The following PCDHA5 variants were observed in gnomAD, a reference collection of about 807,000 sequenced individuals.
The protein encoded by PCDHA5 is protocadherin alpha 5, also known as protocadherin alpha-5.
In PCDHA5, 43 loss-of-function variants were observed where a neutral mutation model predicts 61.6. That is an observed-to-expected ratio of 0.70 (90% CI 0.55 to 0.90). The LOEUF (loss-of-function observed/expected upper bound fraction) is 0.90, where lower values mean the gene tolerates loss of function less well. Ranked by LOEUF, PCDHA5 falls within the 40% of genes least tolerant of loss-of-function variation. The probability of loss-of-function intolerance (pLI) is 0.00; values close to 1 mark genes in which losing one functional copy is unlikely to be tolerated. For missense variants in PCDHA5, 1,298 were observed against 1,222.7 expected (o/e 1.06, Z -0.92); for synonymous variants, 627 against 543.9 (o/e 1.15, Z -2.13).
chr5:140,911,626 T>C (rs1436086231), intron 1 of PCDHA5, among the ~76,000 whole-genome samples: 5 of 152,180 alleles, frequency 3.3e-5, no homozygotes, highest in African/African-American at 1.2e-4. Context: ...TCCCCACATA[T>C]GGTCAAAGGT....
intron 1 of PCDHA5, among the ~76,000 whole-genome samples, chr5:140,826,827 T>C (rs2150145425): frequency 1.3e-5 from 2 of 152,168 alleles, no homozygotes; most frequent in Non-Finnish European, 2.9e-5. Flanking sequence ...ATTAGGTTAC[T>C]AGAAGTTTCT....
rs782248457 is a variant in PCDHA5, at chr5:140,927,179, C to G, written c.2353-51770C>G. 8 of 1,614,050 alleles carry G rather than the reference C, an allele frequency of 5.0e-6. No individual in the cohort carries two copies. The South Asian group carries it at 8.8e-5, about 18-fold the overall frequency. ...AGGGCCAAAGCTGCCTGCGTCTTGA[C>G]CTACGACCTGGTGCTCGAGGACCCG... On this transcript the variant is annotated intron_variant, in intron 1 of 3. Transcript: ENST00000529859.
intron 1 of PCDHA5, chr5:140,928,089 T>G: frequency 6.2e-7 from 1 of 1,614,192 alleles, no homozygotes; most frequent in Non-Finnish European, 8.5e-7. Context: ...GCCTGCTGAT[T>G]GATGGGCCCC....
At chr5:141,005,558 C>T (rs367751568) in intron 3 of PCDHA5, among the ~76,000 whole-genome samples, 1 of 151,122 alleles carries the variant, frequency 6.6e-6, no homozygotes, top group Non-Finnish European at 1.5e-5. Context: ...AAAAATTAGC[C>T]GGGCATGGTG....
chr5:140,882,882 T>C (rs1554175954), intron 1 of PCDHA5: 2 of 1,614,206 alleles, frequency 1.2e-6, no homozygotes, highest in Non-Finnish European at 1.7e-6. Context: ...AGAGAGGAAA[T>C]TCAGGAACAT....
intron 1 of PCDHA5, chr5:140,857,942 A>G: frequency 6.3e-7 from 1 of 1,597,440 alleles, no homozygotes; most frequent in Non-Finnish European, 8.6e-7. Flanking sequence ...CGAGATCAGT[A>G]CGACGCGCGC....
At chr5:140,969,968 G>A (rs935403265) in intron 1 of PCDHA5, among the ~76,000 whole-genome samples, 2 of 152,200 alleles carry the variant, frequency 1.3e-5, no homozygotes, top group Non-Finnish European at 2.9e-5. Flanking sequence ...GCTGTATGAT[G>A]TGGCAACTCT....
At chr5:140,948,325 C>T (rs1554218520) in intron 1 of PCDHA5, among the ~76,000 whole-genome samples, 1 of 151,476 alleles carries the variant, frequency 6.6e-6, no homozygotes. Flanking sequence ...GTAATGTTTT[C>T]ATTAGGTTTT....
At chr5:140,842,042 A>G (rs2150327853) in intron 1 of PCDHA5, 8 of 1,613,906 alleles carry the variant, frequency 5.0e-6, no homozygotes, top group East Asian at 2.2e-5. Flanking sequence ...TAATGCTCCC[A>G]CTTTCGAACA....
intron 3 of PCDHA5, among the ~76,000 whole-genome samples, chr5:141,007,932 A>T (rs150576416): frequency 3.9e-5 from 6 of 152,336 alleles, no homozygotes; most frequent in Non-Finnish European, 7.3e-5. Context: ...CTGGAATTCT[A>T]AGCCACCTTT....
chr5:140,869,798 T>A (rs782748267), intron 1 of PCDHA5: 2 of 1,612,730 alleles, frequency 1.2e-6, no homozygotes. Flanking sequence ...TTAGTCCAAG[T>A]CTTGGATGTC....
In PCDHA5 at chr5:141,010,888, T is replaced by C. The variant is rs1419215366; in HGVS notation, c.*951T>C. The stretch of plus-strand genomic sequence containing the variant: ...AGCTATAAATCTTTAAAGAGAAATA[T>C]GAATACAATTCCCCTAAACTCTCCT... On this transcript the variant is annotated 3_prime_UTR_variant, in exon 4 of 4. Transcript: ENST00000529859. The C allele has an allele frequency of 3.9e-5, 6 of 153,866 alleles. 1 individual carries two copies. The highest frequency in any genetic ancestry group is 1.4e-4 in the African/African-American group (6 of 41,562). The allele number at this position is 153,866 out of a possible 1,614,324, so 9.5% of individuals were successfully genotyped here. A position where few individuals can be genotyped will look rare whatever the true frequency, so the allele number is the denominator to read the frequency against.
intron 3 of PCDHA5, among the ~76,000 whole-genome samples, chr5:140,993,088 CTA>C (rs1420227988): frequency 6.6e-6 from 1 of 152,202 alleles, no homozygotes; most frequent in Non-Finnish European, 1.5e-5. Flanking sequence ...ATCAGCAGGG[CTA>C]TGTTTATTCA....
chr5:141,002,234 C>G (rs2098067276), intron 3 of PCDHA5, among the ~76,000 whole-genome samples: 1 of 152,210 alleles, frequency 6.6e-6, no homozygotes, highest in Non-Finnish European at 1.5e-5. Context: ...TTTCTGGAAG[C>G]TCTTTATTAA....
chr5:140,863,264 C>A (rs1432032847), intron 1 of PCDHA5: 2 of 1,454,796 alleles, frequency 1.4e-6, no homozygotes, highest in African/African-American at 1.4e-5. Context: ...GTCCGGGAGG[C>A]AGCGCTGGTG....
intron 1 of PCDHA5, chr5:140,835,897 C>T (rs2150247732): frequency 2.5e-6 from 4 of 1,612,078 alleles, no homozygotes; most frequent in Non-Finnish European, 3.4e-6. Context: ...CGCGCGCTGT[C>T]GAGCTACGTG....
chr5:140,823,583 A>G lies in PCDHA5; in HGVS notation c.1808A>G (p.Asn603Ser), dbSNP rs1767781648. The G allele has an allele frequency of 1.2e-6, 2 of 1,613,950 alleles. No homozygotes were observed. The highest frequency in any genetic ancestry group is 1.7e-6 in the Non-Finnish European group (2 of 1,179,902). The change falls in exon 1 of 4, where the codon AAC (asparagine) becomes AGC (serine). Residue 603 changes from asparagine to serine, a missense_variant. Asn to Ser is a conservative substitution (Grantham distance 46, BLOSUM62 1). Transcript: ENST00000529859. ...GCAGTGGACCCTGATTCGGGCTACAACGCTTGGCTTTCGTATGAGCTGCAG... is the reference window on the plus strand; with the variant it reads ...GCAGTGGACCCTGATTCGGGCTACAGCGCTTGGCTTTCGTATGAGCTGCAG... Reference protein sequence around the residue: ...VRAVDPDSGYNAWLSYELQPA... With the variant: ...VRAVDPDSGYSAWLSYELQPA...
chr5:140,870,260 G>C, intron 1 of PCDHA5: 3 of 1,614,200 alleles, frequency 1.9e-6, no homozygotes, highest in Non-Finnish European at 2.5e-6. Flanking sequence ...CAGGTGACCT[G>C]CTCGCTGACG....
At chr5:140,845,504 C>T (rs1210471805) in intron 1 of PCDHA5, among the ~76,000 whole-genome samples, 1 of 149,510 alleles carries the variant, frequency 6.7e-6, no homozygotes, top group Non-Finnish European at 1.5e-5. Flanking sequence ...AAGTCTAAAC[C>T]TATTTCTTGT....
Sources: gnomAD v4.1 joint callset for allele counts (sites outside exome capture counted in the v4.1 genomes callset) on GRCh38, gnomAD v4.1.1 for gene constraint, MANE v1.5 for transcripts, NCBI Gene and HGNC (gene_info 2026-07-23, HGNC 2026-07-21) for gene names.